Variants in GMDS observed in about 807,000 individuals in gnomAD.
GMDS encodes the protein GDP-mannose 4,6 dehydratase.
In GMDS, 20 loss-of-function variants were observed where a neutral mutation model predicts 49.9. That is an observed-to-expected ratio of 0.40 (90% confidence interval 0.28 to 0.58). The LOEUF (loss-of-function observed/expected upper bound fraction) is 0.58. Among genes scored for constraint, GMDS ranks in the 20% least tolerant of loss-of-function variants. The pLI is 0.42. For synonymous variants in GMDS, 177 were observed against 178.6 expected (o/e 0.99, Z 0.07); for missense variants, 362 against 481.4 (o/e 0.75, Z 2.32).
chr6:2,190,296 G>C (rs1175741801), intron 1 of GMDS, among the ~76,000 whole-genome samples: 1 of 152,126 alleles, frequency 6.6e-6, no homozygotes, highest in African/African-American at 2.4e-5. Context: ...TTGATTGCTT[G>C]TTTTCTCACT....
At chr6:2,002,874 A>G (rs995927237) in intron 4 of GMDS, among the ~76,000 whole-genome samples, 1 of 152,200 alleles carries the variant, frequency 6.6e-6, no homozygotes, top group Admixed American at 6.5e-5. Context: ...TGTACTTTAA[A>G]ATCATGCCAG....
chr6:1,839,632 T>A (rs979489970), intron 7 of GMDS, among the ~76,000 whole-genome samples: 2 of 152,230 alleles, frequency 1.3e-5, no homozygotes, highest in Non-Finnish European at 2.9e-5. Context: ...ACCACTCTAG[T>A]CTATTCCAAG....
chr6:2,204,238 T>A (rs918247112), intron 1 of GMDS, among the ~76,000 whole-genome samples: 1 of 152,130 alleles, frequency 6.6e-6, no homozygotes, highest in Non-Finnish European at 1.5e-5. Flanking sequence ...GTAGAGTTAA[T>A]TTTTTTACCA....
At chr6:1,647,799 C>A (rs1157287753) in intron 9 of GMDS, among the ~76,000 whole-genome samples, 1 of 152,124 alleles carries the variant, frequency 6.6e-6, no homozygotes, top group East Asian at 1.9e-4. Flanking sequence ...AAGGACAAGC[C>A]CTTCCTTCCT....
intron 7 of GMDS, among the ~76,000 whole-genome samples, chr6:1,790,204 C>G (rs148709878): frequency 2.0e-5 from 3 of 152,206 alleles, no homozygotes; most frequent in African/African-American, 7.2e-5. Flanking sequence ...TATGACAGCT[C>G]AGAAAGAAAT....
chr6:2,062,523 A>C (rs975680098), intron 4 of GMDS, among the ~76,000 whole-genome samples: 3 of 152,180 alleles, frequency 2.0e-5, no homozygotes, highest in African/African-American at 7.2e-5. Context: ...TCACTCTGCA[A>C]TAAAATTAGA....
rs539706852 is a variant in GMDS, at chr6:1,967,800, A to C, written c.346-6834T>G. 2.0e-5 allele frequency among the ~76,000 whole-genome samples: 3 copies of C among 152,374 alleles called. No homozygotes were observed. The South Asian group carries it at 6.2e-4, about 32-fold the overall frequency. On this transcript the variant is annotated intron_variant, in intron 4 of 10. Coordinates refer to ENST00000380815, the MANE Select transcript of GMDS (RefSeq NM_001500.4). ...GAAATTTAAGTTCAAACATAAAGTT[A>C]ATTTATCAACATTCAAAGATACAAA... is the stretch of plus-strand genomic sequence containing the variant.
intron 6 of GMDS, among the ~76,000 whole-genome samples, chr6:1,939,235 T>C (rs1796141233): frequency 6.6e-6 from 1 of 152,126 alleles, no homozygotes; most frequent in South Asian, 2.1e-4. Context: ...CTTTGACTGA[T>C]GGTGGTTTCT....
intron 4 of GMDS, among the ~76,000 whole-genome samples, chr6:2,110,290 A>T (rs886282455): frequency 7.3e-6 from 1 of 136,498 alleles, no homozygotes; most frequent in Non-Finnish European, 1.5e-5. Context: ...CCTGGGGACG[A>T]ATATGGGGGT....
At position 1,992,512 on chromosome 6, in the gene GMDS, G is replaced by C. The variant is rs149488396; in HGVS notation, c.346-31546C>G. On this transcript the variant is annotated intron_variant, in intron 4 of 10. Transcript: ENST00000380815. ...GGCATGTTCCCGACCTAGGGGCTTT[G>C]CAGCACCTGTTCCTACTGCCTAAAA... is the stretch of plus-strand genomic sequence containing the variant. Among the ~76,000 whole-genome samples, 420 of 152,264 alleles carry C rather than the reference G, an allele frequency of 2.8e-3. 1 individual carries two copies. The highest frequency in any genetic ancestry group is 8.8e-3 in the African/African-American group (367 of 41,550).
intron 1 of GMDS, among the ~76,000 whole-genome samples, chr6:2,230,151 T>C (rs1442063349): frequency 6.6e-6 from 1 of 152,130 alleles, no homozygotes; most frequent in Non-Finnish European, 1.5e-5. Context: ...ACAGGATTAA[T>C]TCCTGAAATC....
intron 7 of GMDS, among the ~76,000 whole-genome samples, chr6:1,871,838 G>A (rs1445174783): frequency 2.0e-5 from 3 of 152,124 alleles, no homozygotes; most frequent in Admixed American, 6.5e-5. Context: ...TTAACAGCAC[G>A]GCAAGTTACT....
intron 4 of GMDS, among the ~76,000 whole-genome samples, chr6:2,092,703 C>G (rs1562047295): frequency 6.6e-6 from 1 of 152,092 alleles, no homozygotes; most frequent in Admixed American, 6.6e-5. Flanking sequence ...AGAAGATTCT[C>G]TAACACCGAC....
rs941418248 is a variant in GMDS, at chr6:2,191,225, C to T, written c.102+54096G>A. ...ACCACCGGGCCTGACACTCCCGACC[C>T]GCTATCCGCTCCTGGAGGCACCCCC... On this transcript the variant is annotated intron_variant, in intron 1 of 10. Transcript: ENST00000380815. This position sits in a 1 kb window ranked among gnomAD's most constrained non-coding sequence, Gnocchi z 4.6. Among the ~76,000 whole-genome samples the T allele has an allele frequency of 1.3e-5, 2 of 152,164 alleles. No homozygotes were observed. Among genetic ancestry groups the T allele is most frequent in the Non-Finnish European group, 2.9e-5 (2 of 68,014 alleles).
At chr6:1,777,955 C>T (rs895072777) in intron 7 of GMDS, among the ~76,000 whole-genome samples, 2 of 152,082 alleles carry the variant, frequency 1.3e-5, no homozygotes, top group Admixed American at 6.5e-5. Context: ...ATGCTGAATT[C>T]TTTCCCTAGA....
At chr6:1,903,320 C>A (rs1760595265) in intron 7 of GMDS, among the ~76,000 whole-genome samples, 1 of 152,168 alleles carries the variant, frequency 6.6e-6, no homozygotes, top group Admixed American at 6.5e-5. Flanking sequence ...GTACTTTGCA[C>A]ATACGGAGAA....
At chr6:2,010,056 C>T (rs758290656) in intron 4 of GMDS, among the ~76,000 whole-genome samples, 14 of 152,092 alleles carry the variant, frequency 9.2e-5, no homozygotes, top group Non-Finnish European at 1.8e-4. Flanking sequence ...AGGCTGGGCA[C>T]GGTGGCTCAC....
At chr6:1,970,621 G>A (rs965360870) in intron 4 of GMDS, among the ~76,000 whole-genome samples, 3 of 152,170 alleles carry the variant, frequency 2.0e-5, no homozygotes, top group Non-Finnish European at 4.4e-5. Flanking sequence ...TATGGGTGTC[G>A]AGTAGACAGA....
chr6:2,232,701 G>T (rs1278566174), intron 1 of GMDS, among the ~76,000 whole-genome samples: 1 of 152,142 alleles, frequency 6.6e-6, no homozygotes, highest in Non-Finnish European at 1.5e-5. Flanking sequence ...CCAAAATCAC[G>T]CTGCGGAACA....
Sources: gnomAD v4.1 joint callset for allele counts (sites outside exome capture counted in the v4.1 genomes callset) on GRCh38, gnomAD v4.1.1 for gene constraint, Gnocchi (gnomAD v3.1) non-coding constraint, MANE v1.5 for transcripts, NCBI Gene and HGNC (gene_info 2026-07-23, HGNC 2026-07-21) for gene names.